APBA1: variants seen among roughly 807,000 people sequenced by gnomAD.
The protein encoded by APBA1 is amyloid beta precursor protein binding family A member 1, also known as amyloid-beta A4 precursor protein-binding family A member 1.
A neutral mutation model predicts 86.6 loss-of-function variants in APBA1; 55 were observed. The observed-to-expected ratio is 0.64, with a 90% CI of 0.51 to 0.80. The LOEUF (loss-of-function observed/expected upper bound fraction) is 0.80, where lower values mean the gene tolerates loss of function less well. APBA1 is among the 30% of genes least tolerant of loss of function. The probability of loss-of-function intolerance (pLI) is 0.00; values close to 1 mark genes in which losing one functional copy is unlikely to be tolerated. For synonymous variants in APBA1, 511 were observed against 493.9 expected (o/e 1.03, Z -0.46); for missense variants, 1,090 against 1,183.0 (o/e 0.92, Z 1.15).
intron 3 of APBA1, 132 bp downstream of exon 3, chr9:69,475,916 G>A: frequency 1.4e-6 from 1 of 736,732 alleles, no homozygotes; most frequent in Non-Finnish European, 2.4e-6. Flanking sequence ...CACTGGAGAG[G>A]AGAAATCAGG....
rs1836154741 is a variant in APBA1, at chr9:69,516,560, C to T, written c.651G>A (p.Glu217=). 1.1e-5 allele frequency: 18 copies of T among 1,599,276 alleles called. No individual in the cohort carries two copies. Among genetic ancestry groups the T allele is most frequent in the Non-Finnish European group, 1.5e-5 (18 of 1,178,258 alleles). ...ACGCGGCCGCCTCGTCGCGCTCCTG[C>T]TCGTAGAGCCGCAGGCCGTCGCGTG... ...LDARDGLRLY[E]QERDEAAAYR... The change falls in exon 2 of 13, where the codon GAG becomes GAA. Residue 217 remains glutamate, a synonymous_variant. Coordinates refer to ENST00000265381, the MANE Select transcript of APBA1 (RefSeq NM_001163.4). The surrounding 1 kb of genome is among the most constrained non-coding windows in gnomAD (Gnocchi z 7.3).
At chr9:69,656,897 C>G (rs1421181454) in intron 1 of APBA1, among the ~76,000 whole-genome samples, 1 of 146,372 alleles carries the variant, frequency 6.8e-6, no homozygotes, top group Non-Finnish European at 1.5e-5. Flanking sequence ...GGACTGCGGA[C>G]TGCAGTGGCG....
intron 2 of APBA1, among the ~76,000 whole-genome samples, chr9:69,484,440 A>G (rs1209164169): frequency 6.6e-6 from 1 of 152,112 alleles, no homozygotes; most frequent in East Asian, 1.9e-4. Flanking sequence ...CTCATCAGGG[A>G]CCACTTCCCT....
chr9:69,476,501 G>A (rs1012148639), intron 2 of APBA1, among the ~76,000 whole-genome samples: 5 of 152,104 alleles, frequency 3.3e-5, no homozygotes, highest in African/African-American at 4.8e-5. Context: ...TACTGATGAA[G>A]CCAAATATTT....
At chr9:69,489,710 A>C (rs1468698169) in intron 2 of APBA1, among the ~76,000 whole-genome samples, 1 of 152,166 alleles carries the variant, frequency 6.6e-6, no homozygotes, top group East Asian at 1.9e-4. Context: ...TGCAGCCAAA[A>C]AACACATGAA....
chr9:69,599,342 G>A (rs1057354447), intron 1 of APBA1, among the ~76,000 whole-genome samples: 1 of 152,132 alleles, frequency 6.6e-6, no homozygotes, highest in African/African-American at 2.4e-5. Flanking sequence ...GCAAATACTA[G>A]AAGTGGTTTT....
chr9:69,540,616 T>C (rs546991739), intron 1 of APBA1, among the ~76,000 whole-genome samples: 1 of 152,302 alleles, frequency 6.6e-6, no homozygotes, highest in South Asian at 2.1e-4. Context: ...TTAGTTATTT[T>C]AGAGACAGGG....
At chr9:69,616,348 T>C (rs1467714519) in intron 1 of APBA1, among the ~76,000 whole-genome samples, 3 of 152,152 alleles carry the variant, frequency 2.0e-5, no homozygotes, top group Non-Finnish European at 4.4e-5. Flanking sequence ...ATATACAAAA[T>C]AAGAAAACAG....
At chr9:69,470,911 C>A (rs1365724425) in intron 4 of APBA1, among the ~76,000 whole-genome samples, 1 of 152,124 alleles carries the variant, frequency 6.6e-6, no homozygotes, top group Non-Finnish European at 1.5e-5. Context: ...CCCCACCTGG[C>A]CTTAGAGTAG....
chr9:69,605,741 CAG>C (rs1388288858), intron 1 of APBA1, among the ~76,000 whole-genome samples: 1 of 152,162 alleles, frequency 6.6e-6, no homozygotes, highest in Non-Finnish European at 1.5e-5. Flanking sequence ...TGTGGTCACC[CAG>C]AGAGTCCAGA....
At chr9:69,536,919 C>T (rs1220177212) in intron 1 of APBA1, among the ~76,000 whole-genome samples, 1 of 150,174 alleles carries the variant, frequency 6.7e-6, no homozygotes, top group Non-Finnish European at 1.5e-5. Context: ...TTTACATAGC[C>T]CAAACCCCTC....
At chr9:69,596,479 T>G (rs1822232465) in intron 1 of APBA1, among the ~76,000 whole-genome samples, 2 of 152,312 alleles carry the variant, frequency 1.3e-5, no homozygotes, top group East Asian at 3.9e-4. Flanking sequence ...TGTTTCTCTT[T>G]TATATAAAAA....
At chr9:69,596,242 C>T (rs1822225865) in intron 1 of APBA1, among the ~76,000 whole-genome samples, 1 of 152,156 alleles carries the variant, frequency 6.6e-6, no homozygotes, top group Non-Finnish European at 1.5e-5. Context: ...CTGCCTTGGT[C>T]TCCCAAACCC....
At chr9:69,537,224 G>A (rs997306450) in intron 1 of APBA1, among the ~76,000 whole-genome samples, 3 of 151,826 alleles carry the variant, frequency 2.0e-5, no homozygotes, top group Non-Finnish European at 2.9e-5. Context: ...CCCAAGTTCT[G>A]AACCAACAAA....
At chr9:69,562,908 A>G (rs1836969942) in intron 1 of APBA1, among the ~76,000 whole-genome samples, 1 of 152,238 alleles carries the variant, frequency 6.6e-6, no homozygotes, top group Admixed American at 6.5e-5. Context: ...TAGACCTGAA[A>G]ACTACAGAAA....
chr9:69,582,428 T>C (rs1171441396), intron 1 of APBA1, among the ~76,000 whole-genome samples: 2 of 152,202 alleles, frequency 1.3e-5, no homozygotes, highest in Non-Finnish European at 2.9e-5. Flanking sequence ...TGCAACAGCC[T>C]ATCAAACCAA....
chr9:69,490,701 C>A (rs1272437394), intron 2 of APBA1, among the ~76,000 whole-genome samples: 2 of 152,064 alleles, frequency 1.3e-5, no homozygotes, highest in African/African-American at 4.8e-5. Flanking sequence ...TTGCAATCCA[C>A]TCCTCTGACA....
chr9:69,632,453 C>T (rs765343207), intron 1 of APBA1, among the ~76,000 whole-genome samples: 48 of 152,188 alleles, frequency 3.2e-4, no homozygotes, highest in Non-Finnish European at 5.4e-4. Flanking sequence ...TTCTGAGCTT[C>T]GAGACTGTGT....
chr9:69,457,254 T>C lies in APBA1; in HGVS notation c.1516-115A>G, dbSNP rs187329228. ...CACGACACAGTCACCAGAACAGCAA[T>C]ACAGACTCTAGGGTTAAACTGCCAA... On this transcript the variant is annotated intron_variant, in intron 6 of 12. Transcript: ENST00000265381. The C allele has an allele frequency of 3.4e-4, 256 of 751,980 alleles. 3 individuals are homozygous for C. In the East Asian group the frequency reaches 6.5e-3, roughly 19 times the overall value. 46.6% of individuals were successfully genotyped at this position (751,980 alleles called of 1,614,324 possible).
Sources: gnomAD v4.1 joint callset for allele counts (sites outside exome capture counted in the v4.1 genomes callset) on GRCh38, gnomAD v4.1.1 for gene constraint, Gnocchi (gnomAD v3.1) non-coding constraint, MANE v1.5 for transcripts, NCBI Gene and HGNC (gene_info 2026-07-23, HGNC 2026-07-21) for gene names.